The following ITPR1 variants were observed in gnomAD, a reference collection of about 807,000 sequenced individuals.
The protein encoded by ITPR1 is inositol 1,4,5-trisphosphate receptor type 1.
A neutral mutation model predicts 318.4 loss-of-function variants in ITPR1; 96 were observed. That is an observed-to-expected ratio of 0.30 (90% CI 0.26 to 0.36). The LOEUF is 0.36. Ranked by LOEUF, ITPR1 falls within the 10% of genes least tolerant of loss-of-function variation. ITPR1 has a pLI of 1.00. For synonymous variants in ITPR1, 1,312 were observed against 1,289.9 expected (o/e 1.02, Z -0.37); for missense variants, 2,440 against 3,460.2 (o/e 0.71, Z 7.40).
At chr3:4,615,107 G>A (rs535194767) in intron 4 of ITPR1, among the ~76,000 whole-genome samples, 10 of 152,304 alleles carry the variant, frequency 6.6e-5, no homozygotes, top group African/African-American at 2.2e-4. Context: ...GGGAACCTTT[G>A]GAAGGGTGCT....
intron 60 of ITPR1, among the ~76,000 whole-genome samples, chr3:4,834,184 G>A (rs1178635253): frequency 6.6e-6 from 1 of 152,118 alleles, no homozygotes; most frequent in South Asian, 2.1e-4. Flanking sequence ...CCAGCCACCA[G>A]GACTGGCCTG....
chr3:4,690,313 A>T (rs920410427), intron 31 of ITPR1, among the ~76,000 whole-genome samples: 2 of 152,132 alleles, frequency 1.3e-5, no homozygotes, highest in African/African-American at 2.4e-5. Flanking sequence ...AAAGGCAAAA[A>T]ACTTGAACAG....
intron 37 of ITPR1, 135 bp downstream of exon 37, chr3:4,706,486 A>G (rs2094760141): frequency 2.8e-6 from 2 of 706,696 alleles, no homozygotes; most frequent in Admixed American, 6.2e-5. Flanking sequence ...GAATAGTCAA[A>G]TGTTATATAT....
Position 4,670,819 on chromosome 3 carries a change from G to C in ITPR1, c.2097G>C (p.Leu699=), listed in dbSNP as rs759513212. 21 of 1,610,542 alleles carry C rather than the reference G, an allele frequency of 1.3e-5. No individual in the cohort carries two copies. The highest frequency in any genetic ancestry group is 1.7e-5 in the Non-Finnish European group (20 of 1,178,480). Residue 699 remains leucine (L), a synonymous_variant, in exon 20 of 62, where the codon CTG becomes CTC. Coordinates refer to ENST00000649015, the MANE Select transcript of ITPR1 (RefSeq NM_001378452.1). ...GAGAAGACGAGGAAGAGGTGTGGCTGTTTTGGAGGGACAGCAACAAAGAGA... is the reference window on the plus strand; with the variant it reads ...GAGAAGACGAGGAAGAGGTGTGGCTCTTTTGGAGGGACAGCAACAAAGAGA... ...EAGEDEEEVW[L]FWRDSNKEIR... is the part of the protein sequence containing the mutation.
intron 35 of ITPR1, among the ~76,000 whole-genome samples, chr3:4,700,479 G>C (rs1019506766): frequency 6.6e-6 from 1 of 152,208 alleles, no homozygotes; most frequent in African/African-American, 2.4e-5. Context: ...ACATGTACTG[G>C]TTGAAGCCTT....
chr3:4,804,374 G>A (rs1172962806), intron 54 of ITPR1, among the ~76,000 whole-genome samples: 1 of 152,214 alleles, frequency 6.6e-6, no homozygotes, highest in African/African-American at 2.4e-5. Context: ...AAGATGCTAA[G>A]AGCAGACGGG....
intron 35 of ITPR1, among the ~76,000 whole-genome samples, chr3:4,702,302 G>T (rs1417890473): frequency 6.6e-6 from 1 of 152,166 alleles, no homozygotes; most frequent in Non-Finnish European, 1.5e-5. Flanking sequence ...TGTCATTGAA[G>T]ACCTTGCCAG....
Position 4,827,847 on chromosome 3 carries a change from C to A in ITPR1, c.8029-8927C>A, listed in dbSNP as rs537920406. Among the ~76,000 whole-genome samples, 6 of 152,306 alleles carry A rather than the reference C, an allele frequency of 3.9e-5. No individual in the cohort carries two copies. The South Asian group carries it at 1.2e-3, about 32-fold the overall frequency. On this transcript the variant is annotated intron_variant, in intron 60 of 61. Transcript: ENST00000649015. ...AGACCATCCACATGGCCGATGATCT[C>A]TTTCCCCCTAAAGAGATCTAGCTGT...
intron 4 of ITPR1, among the ~76,000 whole-genome samples, chr3:4,609,067 T>TATATATATATATATATATATATAC (rs1452397541): frequency 3.4e-5 from 3 of 87,204 alleles, no homozygotes; most frequent in African/African-American, 9.4e-5. Context: ...TATATATATA[T>TATATATATATATATATATATATAC]ATATATATAT....
intron 4 of ITPR1, among the ~76,000 whole-genome samples, chr3:4,569,540 A>G (rs2125033876): frequency 6.6e-6 from 1 of 152,356 alleles, no homozygotes; most frequent in South Asian, 2.1e-4. Context: ...TCATCCATAA[A>G]CTAAAGCCTC....
At chr3:4,688,421 G>T in intron 30 of ITPR1, 74 bp from the exon 31 acceptor site, 1 of 1,569,028 alleles carries the variant, frequency 6.4e-7, no homozygotes, top group South Asian at 1.1e-5. Context: ...CACGTTAGCA[G>T]GAGGTGTTGG....
At chr3:4,773,928 G>A (rs1038350923) in intron 46 of ITPR1, among the ~76,000 whole-genome samples, 10 of 152,230 alleles carry the variant, frequency 6.6e-5, no homozygotes, top group African/African-American at 2.4e-4. Flanking sequence ...GTCAAGCACT[G>A]AACTTGGTTA....
intron 50 of ITPR1, among the ~76,000 whole-genome samples, chr3:4,783,113 G>C (rs1417451750): frequency 1.3e-5 from 2 of 152,196 alleles, no homozygotes; most frequent in Admixed American, 1.3e-4. Flanking sequence ...CAGCTTCCTT[G>C]CATATTGCAC....
intron 60 of ITPR1, among the ~76,000 whole-genome samples, chr3:4,820,718 C>T (rs1559955659): frequency 6.6e-6 from 1 of 152,226 alleles, no homozygotes; most frequent in Non-Finnish European, 1.5e-5. Context: ...ATGTTCTGTG[C>T]GCTAAGTGGT....
At chr3:4,754,428 A>G (rs887279078) in intron 44 of ITPR1, among the ~76,000 whole-genome samples, 1 of 152,172 alleles carries the variant, frequency 6.6e-6, no homozygotes, top group Non-Finnish European at 1.5e-5. Context: ...GAAAGTCTTC[A>G]TGTCCTCCTG....
intron 41 of ITPR1, 45 bp from the exon 42 acceptor site, chr3:4,727,081 T>A: frequency 6.8e-7 from 1 of 1,474,954 alleles, no homozygotes; most frequent in South Asian, 1.1e-5. Context: ...GATGGTAGTG[T>A]CTCCTTAGTG....
chr3:4,755,678 T>A (rs888288810), intron 44 of ITPR1, among the ~76,000 whole-genome samples: 5 of 152,184 alleles, frequency 3.3e-5, no homozygotes, highest in Admixed American at 3.3e-4. Context: ...AGTGACCAGA[T>A]TAATAAGAGT....
intron 54 of ITPR1, among the ~76,000 whole-genome samples, chr3:4,803,912 C>T (rs1347483945): frequency 6.6e-6 from 1 of 152,160 alleles, no homozygotes; most frequent in African/African-American, 2.4e-5. Context: ...CGATCTGTCA[C>T]CCAGGCTGGA....
chr3:4,558,064 G>T (rs186768534), intron 4 of ITPR1, among the ~76,000 whole-genome samples: 2 of 152,062 alleles, frequency 1.3e-5, no homozygotes, highest in Admixed American at 1.3e-4. Context: ...TTCTCAAACC[G>T]GCCAACTTCT....
Sources: allele counts gnomAD v4.1 joint callset (sites outside exome capture counted in the v4.1 genomes callset), GRCh38; gene constraint gnomAD v4.1.1; transcripts MANE v1.5; gene names NCBI Gene and HGNC (gene_info 2026-07-23, HGNC 2026-07-21).